ATP2C1: variants seen among roughly 807,000 people sequenced by gnomAD.
ATP2C1 encodes the protein calcium-transporting ATPase type 2C member 1.
A neutral mutation model predicts 120.5 loss-of-function variants in ATP2C1; 31 were observed. The ratio of observed to expected loss-of-function variants is 0.26; its 90% CI spans 0.19 to 0.35. The LOEUF is 0.35. Among genes scored for constraint, ATP2C1 ranks in the 10% least tolerant of loss-of-function variants. The pLI is 1.00. For synonymous variants in ATP2C1, 351 were observed against 358.7 expected (o/e 0.98, Z 0.24); for missense variants, 731 against 1,107.5 (o/e 0.66, Z 4.83).
chr3:130,980,513 C>A, intron 19 of ATP2C1, 69 bp from the exon 20 acceptor site: 1 of 1,026,302 alleles, frequency 9.7e-7, no homozygotes, highest in Non-Finnish European at 1.5e-6. Flanking sequence ...ACTAAATGAG[C>A]ATTACGTTGA....
chr3:130,972,472 C>CTT (rs76538100), intron 17 of ATP2C1, among the ~76,000 whole-genome samples: 4,139 of 142,820 alleles, frequency 0.029, 201 homozygotes, highest in African/African-American at 0.099. Flanking sequence ...TTTCTTCACT[C>CTT]TTTTTTTTTT....
chr3:130,999,988 T>C (rs900779921), intron 27 of ATP2C1, among the ~76,000 whole-genome samples: 1 of 152,206 alleles, frequency 6.6e-6, no homozygotes, highest in Non-Finnish European at 1.5e-5. Flanking sequence ...CTAGACTTAA[T>C]CTCCCTGAAA....
intron 7 of ATP2C1, among the ~76,000 whole-genome samples, chr3:130,941,250 G>GTGTGTGTGTGTC (rs2059896856): frequency 6.7e-6 from 1 of 149,726 alleles, no homozygotes; most frequent in South Asian, 2.1e-4. Flanking sequence ...GTGTGTGTGT[G>GTGTGTGTGTGTC]TGTGTGTGTG....
intron 2 of ATP2C1, among the ~76,000 whole-genome samples, chr3:130,899,891 T>C (rs1418596630): frequency 6.6e-6 from 1 of 152,126 alleles, no homozygotes; most frequent in East Asian, 1.9e-4. Flanking sequence ...AATGTGTGAA[T>C]TGGAATTATT....
intron 7 of ATP2C1, among the ~76,000 whole-genome samples, chr3:130,941,242 G>GTGTGTGTGTGTGTGTC: frequency 6.8e-6 from 1 of 147,626 alleles, no homozygotes; most frequent in African/African-American, 2.6e-5. Flanking sequence ...GTGTGTGTGT[G>GTGTGTGTGTGTGTGTC]TGTGTGTGTG....
chr3:130,873,403 C>A (rs1272215871), intron 1 of ATP2C1, among the ~76,000 whole-genome samples: 2 of 152,096 alleles, frequency 1.3e-5, no homozygotes, highest in Non-Finnish European at 2.9e-5. Context: ...GCTTACTTCG[C>A]AATGTTTTGA....
rs765372345 is a variant in ATP2C1, at chr3:130,980,674, C to G, written c.1834C>G (p.Pro612Ala). The stretch of plus-strand genomic sequence containing the variant: ...TGTTCAGCAGCTTTCACAAATAGTA[C>G]CAAAGGTAGGCCTAAACTAAAGCCT... ...MDVQQLSQIV[P>A]KVAVFYRASP... Residue 612 changes from proline (P) to alanine (A), a missense_variant, in exon 20 of 28, where the codon CCA becomes GCA. By Grantham distance (27) the Pro-to-Ala change is conservative. Coordinates refer to ENST00000510168, the MANE Select transcript of ATP2C1 (RefSeq NM_001378687.1). 1 of 1,611,406 alleles carries G rather than the reference C, an allele frequency of 6.2e-7. No homozygotes were observed. Among genetic ancestry groups the G allele is most frequent in the South Asian group, 1.1e-5 (1 of 91,048 alleles).
At chr3:130,940,754 T>C in intron 7 of ATP2C1, 63 bp downstream of exon 7, 1 of 1,183,626 alleles carries the variant, frequency 8.4e-7, no homozygotes. Flanking sequence ...ATGTGACTAG[T>C]ACCGTACATA....
chr3:130,905,873 T>C (rs2058096789), intron 2 of ATP2C1, among the ~76,000 whole-genome samples: 1 of 152,110 alleles, frequency 6.6e-6, no homozygotes, highest in Admixed American at 6.6e-5. Flanking sequence ...GTTTCAGCTC[T>C]CATTTCTACA....
chr3:130,917,028 G>A (rs562222771), intron 2 of ATP2C1, among the ~76,000 whole-genome samples: 4 of 152,266 alleles, frequency 2.6e-5, no homozygotes, highest in East Asian at 3.9e-4. Flanking sequence ...TCAACTTCAC[G>A]ATGGTGTGAA....
intron 1 of ATP2C1, among the ~76,000 whole-genome samples, chr3:130,880,500 G>A (rs1486112323): frequency 6.6e-6 from 1 of 152,148 alleles, no homozygotes; most frequent in Non-Finnish European, 1.5e-5. Context: ...GAAAAATAAG[G>A]TTGTCCAAAG....
intron 2 of ATP2C1, among the ~76,000 whole-genome samples, chr3:130,900,905 C>T (rs1355994462): frequency 6.6e-6 from 1 of 152,106 alleles, no homozygotes; most frequent in African/African-American, 2.4e-5. Context: ...GCAGGCATTT[C>T]ACTAGATTTT....
chr3:130,919,011 C>CA (rs530101335), intron 2 of ATP2C1: 2 of 445,706 alleles, frequency 4.5e-6, no homozygotes, highest in Admixed American at 2.7e-5. Flanking sequence ...AACAAACAAA[C>CA]AAAAAGCAGT....
chr3:130,974,847 C>T (rs218489), intron 17 of ATP2C1, among the ~76,000 whole-genome samples: 88,448 of 151,946 alleles, frequency 0.58, 28,723 homozygotes, highest in Non-Finnish European at 0.73. Context: ...AAGCGTTGAA[C>T]AGGAAACTGC....
chr3:130,900,758 C>T (rs1327723095), intron 2 of ATP2C1, among the ~76,000 whole-genome samples: 1 of 152,188 alleles, frequency 6.6e-6, no homozygotes, highest in Non-Finnish European at 1.5e-5. Flanking sequence ...GGGCAAGATC[C>T]AACTTTGAAC....
intron 1 of ATP2C1, among the ~76,000 whole-genome samples, chr3:130,852,270 CATTT>C (rs1306969951): frequency 6.6e-6 from 1 of 152,020 alleles, no homozygotes; most frequent in East Asian, 1.9e-4. Context: ...CTTCAGGCCT[CATTT>C]ATTATGGAAG....
At chr3:130,871,586 A>G (rs1288388544) in intron 1 of ATP2C1, among the ~76,000 whole-genome samples, 1 of 152,250 alleles carries the variant, frequency 6.6e-6, no homozygotes, top group Non-Finnish European at 1.5e-5. Context: ...TACCTACTCA[A>G]GAATAGCATG....
chr3:130,919,062 G>T, intron 2 of ATP2C1: 1 of 495,404 alleles, frequency 2.0e-6, no homozygotes, highest in African/African-American at 2.0e-5. Flanking sequence ...CCTCTTCTGC[G>T]TGGTGCACGG....
intron 1 of ATP2C1, among the ~76,000 whole-genome samples, chr3:130,859,252 G>A (rs2067940434): frequency 6.6e-6 from 1 of 152,222 alleles, no homozygotes; most frequent in Non-Finnish European, 1.5e-5. Context: ...TAGAGTCTAA[G>A]ACCAAAGAAG....
Sources: gnomAD v4.1 joint callset for allele counts (sites outside exome capture counted in the v4.1 genomes callset) on GRCh38, gnomAD v4.1.1 for gene constraint, MANE v1.5 for transcripts, NCBI Gene and HGNC (gene_info 2026-07-23, HGNC 2026-07-21) for gene names.